Variants in GTF2IRD1 observed in about 807,000 individuals in gnomAD.
GTF2IRD1 encodes GTF2I repeat domain containing 1, also known as general transcription factor II-I repeat domain-containing protein 1.
Under a neutral mutation model 113.2 loss-of-function variants are expected in GTF2IRD1, and 26 were observed. The observed-to-expected ratio is 0.23, with a 90% confidence interval of 0.17 to 0.32. The LOEUF (loss-of-function observed/expected upper bound fraction) is 0.32. Among genes scored for constraint, GTF2IRD1 ranks in the 10% least tolerant of loss-of-function variants. The pLI is 1.00. For missense variants in GTF2IRD1, 864 were observed against 1,280.8 expected (o/e 0.67, Z 4.97); for synonymous variants, 484 against 529.1 (o/e 0.91, Z 1.17).
chr7:74,483,309 G>A (rs994363644), intron 1 of GTF2IRD1, among the ~76,000 whole-genome samples: 5 of 152,110 alleles, frequency 3.3e-5, no homozygotes, highest in Admixed American at 6.6e-5. Flanking sequence ...GGGAGACTGA[G>A]GCAGGATTGC....
chr7:74,508,761 A>C (rs1796448404), intron 2 of GTF2IRD1, among the ~76,000 whole-genome samples: 1 of 150,124 alleles, frequency 6.7e-6, no homozygotes, highest in South Asian at 2.1e-4. Context: ...TTGTCCCTTC[A>C]CCCCTCTTGC....
At chr7:74,565,814 A>AT (rs1185447505) in intron 22 of GTF2IRD1, among the ~76,000 whole-genome samples, 1 of 151,872 alleles carries the variant, frequency 6.6e-6, no homozygotes, top group African/African-American at 2.4e-5. Context: ...TACAAAAAAA[A>AT]TTTTTTTTAA....
intron 25 of GTF2IRD1, chr7:74,600,831 G>A (rs1214620293): frequency 5.0e-6 from 3 of 603,312 alleles, no homozygotes; most frequent in Non-Finnish European, 8.8e-6. Flanking sequence ...AGAGCAGGAG[G>A]CCGGGGAGAG....
intron 8 of GTF2IRD1, among the ~76,000 whole-genome samples, chr7:74,528,707 GTGGATGGATGGATGGA>G (rs58102974): frequency 2.0e-4 from 21 of 106,908 alleles, no homozygotes; most frequent in Non-Finnish European, 2.4e-4. Context: ...GGAAAGATGG[GTGGATGGATGGATGGA>G]TGGATGGATG....
chr7:74,457,275 C>T, intron 1 of GTF2IRD1, among the ~76,000 whole-genome samples: 1 of 152,140 alleles, frequency 6.6e-6, no homozygotes, highest in East Asian at 1.9e-4. Context: ...CAGGAGTGAA[C>T]CACCGCGCCT....
At chr7:74,494,263 G>A (rs1169401757) in intron 1 of GTF2IRD1, among the ~76,000 whole-genome samples, 3 of 151,958 alleles carry the variant, frequency 2.0e-5, no homozygotes, top group Non-Finnish European at 2.9e-5. Context: ...GCAAGATCCC[G>A]TTTCTAAATA....
chr7:74,466,675 C>G (rs1554330887), intron 1 of GTF2IRD1, among the ~76,000 whole-genome samples: 1 of 152,296 alleles, frequency 6.6e-6, no homozygotes, highest in East Asian at 1.9e-4. Context: ...TCATCTCCCT[C>G]TCCAGGTCAC....
chr7:74,589,800 CAGTGGCTA>C (rs1264440202), intron 22 of GTF2IRD1, 43 bp from the exon 23 acceptor site: 2 of 1,112,044 alleles, frequency 1.8e-6, no homozygotes, highest in Non-Finnish European at 2.8e-6. Flanking sequence ...GCAGCAGGTC[CAGTGGCTA>C]AGCTGGTGCC....
At chr7:74,580,434 G>A (rs1250144198) in intron 22 of GTF2IRD1, among the ~76,000 whole-genome samples, 2 of 152,182 alleles carry the variant, frequency 1.3e-5, no homozygotes, top group African/African-American at 2.4e-5. Context: ...CTCTAACTAG[G>A]CGGGGAGAGT....
chr7:74,597,289 G>A (rs1554372599), intron 25 of GTF2IRD1, among the ~76,000 whole-genome samples: 5 of 150,486 alleles, frequency 3.3e-5, no homozygotes, highest in African/African-American at 1.2e-4. Context: ...TGATCTACCT[G>A]CCTCGGCCCC....
At chr7:74,602,219 G>A in intron 26 of GTF2IRD1, 146 bp from the exon 27 acceptor site, 2 of 937,806 alleles carry the variant, frequency 2.1e-6, no homozygotes, top group Non-Finnish European at 3.0e-6. Context: ...TCCAGCCTGG[G>A]CAGAAGAGTG....
intron 22 of GTF2IRD1, among the ~76,000 whole-genome samples, chr7:74,567,081 G>C (rs1184197220): frequency 6.6e-6 from 1 of 152,162 alleles, no homozygotes; most frequent in Non-Finnish European, 1.5e-5. Context: ...TGTAATCCTA[G>C]CACTTTGGGA....
chr7:74,541,705 G>A (rs74705923), intron 14 of GTF2IRD1, among the ~76,000 whole-genome samples: 3,802 of 152,012 alleles, frequency 0.025, 76 homozygotes, highest in Non-Finnish European at 0.037. Flanking sequence ...TTCAAAACCA[G>A]CCTGGCCAGC....
At position 74,544,560 on chromosome 7, in the gene GTF2IRD1, T is replaced by C. The variant is rs149815082; in HGVS notation, c.1619-195T>C. Among the ~76,000 whole-genome samples the C allele has an allele frequency of 4.0e-3, 615 of 152,304 alleles. 3 individuals carry two copies. Among genetic ancestry groups the C allele is most frequent in the African/African-American group, 0.014 (575 of 41,576 alleles). On this transcript the variant is annotated intron_variant, in intron 14 of 26. Coordinates refer to ENST00000424337, the MANE Select transcript of GTF2IRD1 (RefSeq NM_005685.4). ...CTTGGGAGGTGCATGCAAAATGATC[T>C]CAGCCTGCTTTCGTGTGAAGGCCAG... is the stretch of plus-strand genomic sequence containing the variant.
chr7:74,553,777 CAG>C (rs1329936525), intron 17 of GTF2IRD1, among the ~76,000 whole-genome samples: 5 of 152,166 alleles, frequency 3.3e-5, no homozygotes, highest in African/African-American at 7.2e-5. Flanking sequence ...GCCTGGGACT[CAG>C]GGGCTCTGCC....
At chr7:74,507,815 G>A in intron 1 of GTF2IRD1, 2 of 418,014 alleles carry the variant, frequency 4.8e-6, no homozygotes, top group Non-Finnish European at 8.7e-6. Flanking sequence ...CCAACAGACT[G>A]GTCCTGGTGC....
At chr7:74,525,023 C>T (rs145115319) in intron 8 of GTF2IRD1, among the ~76,000 whole-genome samples, 33 of 151,314 alleles carry the variant, frequency 2.2e-4, no homozygotes, top group Admixed American at 6.6e-4. Flanking sequence ...GGTGACAGAG[C>T]GAGACCCTAT....
chr7:74,591,460 G>T (rs781843599), intron 24 of GTF2IRD1, among the ~76,000 whole-genome samples: 1 of 140,008 alleles, frequency 7.1e-6, no homozygotes, highest in Non-Finnish European at 1.5e-5. Context: ...CTCACTGCAC[G>T]CTTCACCTCC....
intron 22 of GTF2IRD1, chr7:74,570,979 T>C (rs1800664573): frequency 2.4e-6 from 1 of 418,630 alleles, no homozygotes; most frequent in Admixed American, 6.4e-5. Context: ...CAGTTCCCTT[T>C]TGGGCAAACA....
Sources: allele counts gnomAD v4.1 joint callset (sites outside exome capture counted in the v4.1 genomes callset), GRCh38; gene constraint gnomAD v4.1.1; transcripts MANE v1.5; gene names NCBI Gene and HGNC (gene_info 2026-07-23, HGNC 2026-07-21).